CADM2: variants seen among roughly 807,000 people sequenced by gnomAD.
CADM2 encodes the protein cell adhesion molecule 2.
In CADM2, 12 loss-of-function variants were observed where a neutral mutation model predicts 49.8. The ratio of observed to expected loss-of-function variants is 0.24; its 90% CI spans 0.15 to 0.39. The LOEUF (loss-of-function observed/expected upper bound fraction) is 0.39. CADM2 is among the 10% of genes least tolerant of loss of function. The probability of loss-of-function intolerance (pLI) is 1.00; values close to 1 mark genes in which losing one functional copy is unlikely to be tolerated. For synonymous variants in CADM2, 214 were observed against 175.4 expected (o/e 1.22, Z -1.74); for missense variants, 378 against 492.3 (o/e 0.77, Z 2.20).
chr3:85,568,621 T>TTTG (rs2062387868), intron 1 of CADM2, among the ~76,000 whole-genome samples: 2 of 130,824 alleles, frequency 1.5e-5, no homozygotes, highest in Non-Finnish European at 3.4e-5. Context: ...TCTTTTTTTT[T>TTTG]TTTTTTACAG....
intron 1 of CADM2, among the ~76,000 whole-genome samples, chr3:85,370,992 A>AT (rs1369497163): frequency 7.2e-6 from 1 of 139,590 alleles, no homozygotes; most frequent in Non-Finnish European, 1.6e-5. Context: ...ACAGAATAAG[A>AT]ATTTTTTTAA....
At chr3:85,837,433 G>C (rs1246672261) in intron 3 of CADM2, among the ~76,000 whole-genome samples, 2 of 151,570 alleles carry the variant, frequency 1.3e-5, no homozygotes, top group East Asian at 1.9e-4. Flanking sequence ...AACAGTTCCA[G>C]AGAGATTTCG....
chr3:85,901,586 T>C (rs1716124359), intron 5 of CADM2, among the ~76,000 whole-genome samples: 1 of 152,336 alleles, frequency 6.6e-6, no homozygotes, highest in South Asian at 2.1e-4. Context: ...GTGTTATTTG[T>C]ATACCTCCCA....
At chr3:86,056,992 A>C (rs1738072960) in intron 8 of CADM2, among the ~76,000 whole-genome samples, 1 of 152,106 alleles carries the variant, frequency 6.6e-6, no homozygotes, top group African/African-American at 2.4e-5. Context: ...TTAATTTAAA[A>C]CTCAAAGTTT....
At position 85,631,004 on chromosome 3, in the gene CADM2, G is replaced by C. The variant is rs1041839733; in HGVS notation, c.62-95518G>C. ...TCTCTGGCTATATTTCTTACAACTT[G>C]TACCTGGATTAAAATAAAAAGTTCT... On this transcript the variant is annotated intron_variant, in intron 1 of 9. Transcript: ENST00000383699. Among the ~76,000 whole-genome samples the C allele has an allele frequency of 2.0e-5, 3 of 151,740 alleles. No homozygotes were observed. The East Asian group carries it at 5.8e-4, about 29-fold the overall frequency.
chr3:85,379,427 G>A (rs1479620702), intron 1 of CADM2, among the ~76,000 whole-genome samples: 1 of 151,934 alleles, frequency 6.6e-6, no homozygotes, highest in African/African-American at 2.4e-5. Flanking sequence ...TAAAGGTCAG[G>A]TGTTTCATTT....
chr3:86,049,477 T>C (rs540258320), intron 8 of CADM2, among the ~76,000 whole-genome samples: 4 of 152,104 alleles, frequency 2.6e-5, no homozygotes, highest in African/African-American at 9.6e-5. Context: ...GGTTTCACCA[T>C]GTTAGCCAGG....
chr3:85,772,008 C>CTTTTTTT (rs397938377), intron 2 of CADM2, among the ~76,000 whole-genome samples: 22 of 112,184 alleles, frequency 2.0e-4, no homozygotes, highest in South Asian at 3.0e-4. Context: ...TTCTTTCTTT[C>CTTTTTTT]TTTTTTTTTT....
chr3:85,607,875 T>C (rs2107436003), intron 1 of CADM2, among the ~76,000 whole-genome samples: 1 of 152,132 alleles, frequency 6.6e-6, no homozygotes, highest in East Asian at 1.9e-4. Context: ...CAGGCTGGTC[T>C]CAAACTCCTG....
At chr3:85,601,444 T>A (rs540391427) in intron 1 of CADM2, among the ~76,000 whole-genome samples, 125 of 151,302 alleles carry the variant, frequency 8.3e-4, no homozygotes, top group African/African-American at 3.0e-3. Context: ...CTACTGTTTT[T>A]CAAAATTTCT....
At chr3:85,114,641 G>A (rs1395287370) in intron 1 of CADM2, among the ~76,000 whole-genome samples, 2 of 152,228 alleles carry the variant, frequency 1.3e-5, no homozygotes, top group East Asian at 1.9e-4. Context: ...GGCTTAAACA[G>A]TTCAGTGAGC....
intron 1 of CADM2, among the ~76,000 whole-genome samples, chr3:84,961,282 G>T (rs1434068524): frequency 1.3e-5 from 2 of 152,112 alleles, no homozygotes; most frequent in African/African-American, 4.8e-5. Flanking sequence ...GCATATTTAT[G>T]AATGTGAAAA....
intron 1 of CADM2, among the ~76,000 whole-genome samples, chr3:85,404,853 G>T (rs980566302): frequency 1.3e-5 from 2 of 152,022 alleles, no homozygotes; most frequent in African/African-American, 4.8e-5. Flanking sequence ...TTTAAAGTTT[G>T]TTACTTCCAA....
At chr3:85,190,326 C>T (rs2041178408) in intron 1 of CADM2, among the ~76,000 whole-genome samples, 1 of 151,966 alleles carries the variant, frequency 6.6e-6, no homozygotes, top group Admixed American at 6.6e-5. Context: ...TGTCATTCCC[C>T]CCTTAATAAT....
At chr3:85,351,783 A>G (rs1024469039) in intron 1 of CADM2, among the ~76,000 whole-genome samples, 4 of 152,138 alleles carry the variant, frequency 2.6e-5, no homozygotes, top group Non-Finnish European at 4.4e-5. Context: ...TGAGATTTAG[A>G]ATATTATTCT....
At chr3:85,225,580 A>G (rs540424763) in intron 1 of CADM2, among the ~76,000 whole-genome samples, 4 of 151,968 alleles carry the variant, frequency 2.6e-5, no homozygotes, top group Non-Finnish European at 5.9e-5. Flanking sequence ...TTTTCCCAAG[A>G]ATACCCTTTA....
intron 1 of CADM2, among the ~76,000 whole-genome samples, chr3:85,290,836 G>GA (rs1233107394): frequency 6.6e-6 from 1 of 152,130 alleles, no homozygotes; most frequent in Non-Finnish European, 1.5e-5. Context: ...CAAAGATGGG[G>GA]AAAAAACAGA....
At chr3:85,345,122 C>T (rs1245398410) in intron 1 of CADM2, among the ~76,000 whole-genome samples, 1 of 151,656 alleles carries the variant, frequency 6.6e-6, no homozygotes, top group Non-Finnish European at 1.5e-5. Context: ...TCGAGAGCAG[C>T]CTGGACAACC....
chr3:85,998,341 T>G (rs1219164610), intron 8 of CADM2, among the ~76,000 whole-genome samples: 1 of 152,234 alleles, frequency 6.6e-6, no homozygotes, highest in Non-Finnish European at 1.5e-5. Context: ...AGTTACAATT[T>G]TGTCCTCTCT....
Sources: gnomAD v4.1 joint callset for allele counts (sites outside exome capture counted in the v4.1 genomes callset) on GRCh38, gnomAD v4.1.1 for gene constraint, MANE v1.5 for transcripts, NCBI Gene and HGNC (gene_info 2026-07-23, HGNC 2026-07-21) for gene names.